Variants in METTL14 observed in about 807,000 individuals in gnomAD.
METTL14 encodes methyltransferase 14, N6-adenosine-methyltransferase non-catalytic subunit, also known as N(6)-adenosine-methyltransferase non-catalytic subunit METTL14.
A neutral mutation model predicts 62.4 loss-of-function variants in METTL14; 32 were observed. The observed-to-expected ratio is 0.51, with a 90% confidence interval of 0.39 to 0.69. The LOEUF (loss-of-function observed/expected upper bound fraction) is 0.69. Among genes scored for constraint, METTL14 ranks in the 30% least tolerant of loss-of-function variants. METTL14 has a pLI of 0.00. For missense variants in METTL14, 340 were observed against 551.9 expected, an observed-to-expected ratio of 0.62 and a Z score of 3.85; for synonymous variants, 150 against 180.0, an observed-to-expected ratio of 0.83 and a Z score of 1.34.
rs1303573009 is a variant in METTL14 at position 118,713,996 on chromosome 4, ATGTT to A, written c.*3695_*3698del. ...ATATTAAAATGATCAGTTTGAGTGT[ATGTT>A]AGAGTTCATGTTTCTGTAACTAAAG... On this transcript the variant is annotated 3_prime_UTR_variant, in exon 11 of 11. Transcript: ENST00000388822. The A allele has an allele frequency of 1.3e-5, 2 of 152,212 alleles. No individual in the cohort carries two copies. Among genetic ancestry groups the A allele is most frequent in the Non-Finnish European group, 2.9e-5 (2 of 68,034 alleles). 9.4% of individuals were successfully genotyped at this position (152,212 alleles called of 1,614,324 possible).
chr4:118,706,274 G>C (rs903344077), intron 10 of METTL14, among the ~76,000 whole-genome samples: 4 of 152,114 alleles, frequency 2.6e-5, no homozygotes, highest in African/African-American at 4.8e-5. Context: ...CACAACTCTT[G>C]ACAACCACTT....
chr4:118,696,978 C>T (rs966568638), intron 6 of METTL14, among the ~76,000 whole-genome samples: 6 of 151,904 alleles, frequency 3.9e-5, no homozygotes, highest in Admixed American at 6.6e-5. Flanking sequence ...ACTGGTAGAT[C>T]GTTTAAGTCT....
chr4:118,687,783 ATTGTT>A (rs1178054323), intron 1 of METTL14, 135 bp from the exon 2 acceptor site: 1 of 627,316 alleles, frequency 1.6e-6, no homozygotes, highest in East Asian at 3.0e-5. Flanking sequence ...TGATTAATTC[ATTGTT>A]TTGTGTGTGT....
intron 1 of METTL14, among the ~76,000 whole-genome samples, chr4:118,687,523 T>C (rs1390963689): frequency 1.3e-5 from 2 of 152,224 alleles, no homozygotes; most frequent in African/African-American, 4.8e-5. Flanking sequence ...AGGCTGCTCA[T>C]TGACTTACGG....
At chr4:118,687,755 CCA>C (rs1724114640) in intron 1 of METTL14, among the ~76,000 whole-genome samples, 166 bp from the exon 2 acceptor site, 1 of 152,070 alleles carries the variant, frequency 6.6e-6, no homozygotes, top group Middle Eastern at 3.4e-3. Flanking sequence ...CAGAGTTTTT[CCA>C]GTTTGTCTTG....
In METTL14 at chr4:118,714,445, G is replaced by A. The variant is rs1054666653; in HGVS notation, c.*4143G>A. On this transcript the variant is annotated 3_prime_UTR_variant, in exon 11 of 11. Transcript: ENST00000388822. ...AGCTCCAGCTAATTGTCACCACAGA[G>A]AGAAGAGGGTAAGTCTGAGATGTTC... 6.6e-6 allele frequency: 1 copy of A among 152,146 alleles called. No homozygotes were observed. Among genetic ancestry groups the A allele is most frequent in the Non-Finnish European group, 1.5e-5 (1 of 68,034 alleles). The allele number at this position is 152,146 out of a possible 1,614,324, so 9.4% of individuals were successfully genotyped here. A position where few individuals can be genotyped will look rare whatever the true frequency, so the allele number is the denominator to read the frequency against.
At chr4:118,686,412 A>T (rs1451128757) in intron 1 of METTL14, 1 of 343,280 alleles carries the variant, frequency 2.9e-6, no homozygotes, top group Non-Finnish European at 5.8e-6. Context: ...TTTCCATTCT[A>T]CTATTCAGAT....
chr4:118,687,912 T>C lies in METTL14; in HGVS notation c.67-11T>C, dbSNP rs1249164872. ...CATTGCAATCTAATTTCTGATTTTGTCTTTTCTCAGTTGGGAGCTGAAAGT... is the reference window on the plus strand; with the variant it reads ...CATTGCAATCTAATTTCTGATTTTGCCTTTTCTCAGTTGGGAGCTGAAAGT... On this transcript the variant is annotated splice_polypyrimidine_tract_variant and intron_variant, in intron 1 of 10. Transcript: ENST00000388822. 1.2e-6 allele frequency: 2 copies of C among 1,612,520 alleles called. No individual in the cohort carries two copies. Among genetic ancestry groups the C allele is most frequent in the South Asian group, 1.1e-5 (1 of 90,724 alleles).
chr4:118,709,819 T>C (rs191317552), intron 10 of METTL14, among the ~76,000 whole-genome samples, 179 bp from the exon 11 acceptor site: 55 of 152,314 alleles, frequency 3.6e-4, no homozygotes, highest in African/African-American at 1.2e-3. Flanking sequence ...AAACAAGATA[T>C]ATACCTGTGA....
At chr4:118,686,657 T>A (rs1158385597) in intron 1 of METTL14, 5 of 456,018 alleles carry the variant, frequency 1.1e-5, no homozygotes, top group Non-Finnish European at 2.2e-5. Context: ...CCTTTCTAAG[T>A]CTTCTTTTCG....
At chr4:118,686,876 A>T (rs2110463247) in intron 1 of METTL14, among the ~76,000 whole-genome samples, 1 of 152,354 alleles carries the variant, frequency 6.6e-6, no homozygotes. Flanking sequence ...CACTCTACTT[A>T]GCCAGCCTTA....
rs887094541 is a variant in METTL14, at chr4:118,691,920, A to C, written c.325-61A>C. 12 of 1,061,064 alleles carry C rather than the reference A, an allele frequency of 1.1e-5. No homozygotes were observed. In the Middle Eastern group the frequency reaches 8.1e-4, roughly 72 times the overall value. The allele number at this position is 1,061,064 out of a possible 1,614,324, so 65.7% of individuals were successfully genotyped here. On this transcript the variant is annotated intron_variant, in intron 4 of 10. Coordinates refer to ENST00000388822, the MANE Select transcript of METTL14 (RefSeq NM_020961.4). ...ATCACCTTGTAATAGAAAACAGTAC[A>C]GAGATAATTTATCTGCCATTACAAT...
chr4:118,691,638 G>T, intron 4 of METTL14, 26 bp downstream of exon 4: 6 of 1,193,410 alleles, frequency 5.0e-6, no homozygotes, highest in Non-Finnish European at 7.0e-6. Flanking sequence ...TTCAAATTTT[G>T]TAACTCTTCA....
intron 8 of METTL14, among the ~76,000 whole-genome samples, chr4:118,701,684 G>T (rs933282624): frequency 6.6e-6 from 1 of 151,982 alleles, no homozygotes; most frequent in Non-Finnish European, 1.5e-5. Context: ...TTGACACTTC[G>T]TTTTTATGAC....
At chr4:118,689,063 A>G (rs550409553) in intron 2 of METTL14, among the ~76,000 whole-genome samples, 51 of 152,304 alleles carry the variant, frequency 3.3e-4, no homozygotes, top group Middle Eastern at 6.8e-3. Flanking sequence ...TCGCTATTCT[A>G]GTTTTCAATT....
At chr4:118,694,587 T>A in intron 6 of METTL14, 61 bp downstream of exon 6, 1 of 1,247,394 alleles carries the variant, frequency 8.0e-7, no homozygotes, top group South Asian at 1.2e-5. Flanking sequence ...TCAGTTTGTT[T>A]ATCCTATAAC....
intron 10 of METTL14, among the ~76,000 whole-genome samples, chr4:118,707,799 A>C (rs1268995051): frequency 1.3e-5 from 2 of 152,036 alleles, no homozygotes; most frequent in Non-Finnish European, 2.9e-5. Flanking sequence ...TAAAATTTAC[A>C]GATAACTATG....
At chr4:118,705,514 A>G in intron 9 of METTL14, 97 bp from the exon 10 acceptor site, 3 of 976,772 alleles carry the variant, frequency 3.1e-6, no homozygotes, top group Non-Finnish European at 4.8e-6. Flanking sequence ...ATTCCGAGAA[A>G]TGAGGATTGT....
At chr4:118,709,914 C>A in intron 10 of METTL14, 84 bp from the exon 11 acceptor site, 1 of 1,262,518 alleles carries the variant, frequency 7.9e-7, no homozygotes, top group Non-Finnish European at 1.1e-6. Flanking sequence ...TTTAAGAATG[C>A]ATTGGGGATT....
Sources: allele counts gnomAD v4.1 joint callset (sites outside exome capture counted in the v4.1 genomes callset), GRCh38; gene constraint gnomAD v4.1.1; transcripts MANE v1.5; gene names NCBI Gene and HGNC (gene_info 2026-07-23, HGNC 2026-07-21).